Variants in PCSK5 observed in about 807,000 individuals in gnomAD.
PCSK5 encodes prohormone convertase 5.
Under a neutral mutation model 233.2 loss-of-function variants are expected in PCSK5, and 129 were observed. That is an observed-to-expected ratio of 0.55 (90% confidence interval 0.48 to 0.64). The LOEUF (loss-of-function observed/expected upper bound fraction) is 0.64, where lower values mean the gene tolerates loss of function less well. Among genes scored for constraint, PCSK5 ranks in the 30% least tolerant of loss-of-function variants. PCSK5 has a pLI of 0.00. For synonymous variants in PCSK5, 825 were observed against 879.2 expected, an observed-to-expected ratio of 0.94 and a Z score of 1.09; for missense variants, 2,076 against 2,430.1, an observed-to-expected ratio of 0.85 and a Z score of 3.06.
chr9:76,007,631 C>T (rs916827085), intron 3 of PCSK5, among the ~76,000 whole-genome samples: 1 of 151,960 alleles, frequency 6.6e-6, no homozygotes, highest in Non-Finnish European at 1.5e-5. Flanking sequence ...TGCTTTTCAT[C>T]ACTTTCGTTT....
intron 24 of PCSK5, among the ~76,000 whole-genome samples, chr9:76,251,622 C>T (rs886999281): frequency 6.6e-6 from 1 of 151,232 alleles, no homozygotes; most frequent in African/African-American, 2.4e-5. Flanking sequence ...TAGAATGATT[C>T]CATTAATATT....
chr9:76,344,639 GCTTT>G (rs746198493), intron 35 of PCSK5, among the ~76,000 whole-genome samples: 3 of 152,130 alleles, frequency 2.0e-5, no homozygotes, highest in South Asian at 4.1e-4. Flanking sequence ...GTAAATATTG[GCTTT>G]CTATTTGGTT....
chr9:75,954,057 A>T (rs1466018102), intron 2 of PCSK5, among the ~76,000 whole-genome samples: 4 of 152,330 alleles, frequency 2.6e-5, no homozygotes, highest in Admixed American at 2.6e-4. Flanking sequence ...TAAGAATAAA[A>T]GGACACTGTA....
chr9:76,288,240 C>T (rs1828149894), intron 24 of PCSK5, among the ~76,000 whole-genome samples: 1 of 152,166 alleles, frequency 6.6e-6, no homozygotes, highest in African/African-American at 2.4e-5. Context: ...AAACTCACTT[C>T]TCAGGAATCC....
At position 76,321,423 on chromosome 9, in the gene PCSK5, G is replaced by A. The variant is rs1401803780; in HGVS notation, c.3886G>A (p.Gly1296Ser). The change falls in exon 31 of 38, where the codon GGC becomes AGC. Residue 1296 changes from glycine to serine, a missense_variant and splice_region_variant. Gly to Ser is a moderately conservative substitution (Grantham distance 56, BLOSUM62 0). This residue lies in a region of PCSK5 where 1,510 missense variants were observed against 1,538.1 expected (regional missense o/e 0.98). Transcript: ENST00000674117. ...TTGCACTCTGTCTTCCTTCCACAGG[G>A]GCTCTTATGCAGAAGACGGCATATG... ...EGRCYSKCPE[G>S]SYAEDGICER... The A allele has an allele frequency of 1.3e-6, 2 of 1,527,430 alleles. No homozygotes were observed. The highest frequency in any genetic ancestry group is 1.7e-5 in the Admixed American group (1 of 59,900). 94.6% of individuals were successfully genotyped at this position (1,527,430 alleles called of 1,614,324 possible).
At chr9:76,036,744 C>A (rs527367891) in intron 5 of PCSK5, among the ~76,000 whole-genome samples, 3 of 152,196 alleles carry the variant, frequency 2.0e-5, no homozygotes, top group Non-Finnish European at 2.9e-5. Context: ...CACTGAATGG[C>A]GGAATCGGAA....
At chr9:76,162,340 TCTC>T (rs752322452) in intron 12 of PCSK5, among the ~76,000 whole-genome samples, 15 of 152,122 alleles carry the variant, frequency 9.9e-5, no homozygotes, top group African/African-American at 3.6e-4. Context: ...AGAGGAAACT[TCTC>T]CTCAAAACCT....
chr9:76,269,982 A>G (rs1239113124), intron 24 of PCSK5, among the ~76,000 whole-genome samples: 2 of 152,194 alleles, frequency 1.3e-5, no homozygotes, highest in African/African-American at 2.4e-5. Context: ...AATATGCCTG[A>G]TGATGAATAG....
At chr9:76,234,213 T>C (rs549344273) in intron 22 of PCSK5, among the ~76,000 whole-genome samples, 3 of 152,300 alleles carry the variant, frequency 2.0e-5, no homozygotes, top group African/African-American at 4.8e-5. Context: ...TTTTTCTATA[T>C]ACTACTTTTT....
chr9:76,023,767 G>A lies in PCSK5; in HGVS notation c.441G>A (p.Gln147=). The change falls in exon 4 of 38, where the codon CAG becomes CAA. Residue 147 remains glutamine (Q), a synonymous_variant. Transcript: ENST00000674117. The part of the protein sequence containing the change: ...MHCSDNTHPC[Q]SDMNIEGAWK... The stretch of plus-strand genomic sequence containing the variant: ...GCAGTGACAATACACATCCCTGCCA[G>A]TCTGACATGAATATCGAAGGAGCCT... 1 of 1,613,286 alleles carries A rather than the reference G, an allele frequency of 6.2e-7. No homozygotes were observed. Among genetic ancestry groups the A allele is most frequent in the East Asian group, 2.2e-5 (1 of 44,860 alleles).
chr9:75,902,214 T>TTAAAAAAAAAAA (rs1554703242), intron 1 of PCSK5, among the ~76,000 whole-genome samples: 2 of 53,298 alleles, frequency 3.8e-5, no homozygotes, highest in East Asian at 7.5e-4. Context: ...AGACACCATC[T>TTAAAAAAAAAAA]AAAAAAAAAA....
At chr9:76,230,497 C>T (rs780792300) in intron 21 of PCSK5, among the ~76,000 whole-genome samples, 3 of 152,202 alleles carry the variant, frequency 2.0e-5, no homozygotes, top group Non-Finnish European at 1.5e-5. Context: ...GATTTCCCCC[C>T]CAAACCAATC....
intron 2 of PCSK5, 143 bp downstream of exon 2, chr9:75,932,626 T>C (rs1028369459): frequency 5.3e-5 from 33 of 616,972 alleles, no homozygotes; most frequent in Non-Finnish European, 9.0e-5. Flanking sequence ...TGTCTATGCT[T>C]CCTCTTTAGA....
chr9:75,955,588 C>G (rs550543955), intron 2 of PCSK5, among the ~76,000 whole-genome samples: 1 of 151,822 alleles, frequency 6.6e-6, no homozygotes, highest in East Asian at 1.9e-4. Flanking sequence ...TTAGGTGCTT[C>G]TTATATGTCA....
intron 3 of PCSK5, among the ~76,000 whole-genome samples, chr9:76,019,772 A>G (rs1488982224): frequency 6.6e-6 from 1 of 152,212 alleles, no homozygotes; most frequent in African/African-American, 2.4e-5. Flanking sequence ...CCATTTCTTG[A>G]ACTCACAGGA....
At chr9:76,236,472 A>ACTTTCTACCACCTAACAAAACTTT (rs1826255775) in intron 22 of PCSK5, among the ~76,000 whole-genome samples, 1 of 152,216 alleles carries the variant, frequency 6.6e-6, no homozygotes, top group African/African-American at 2.4e-5. Context: ...GCCTAACAAA[A>ACTTTCTACCACCTAACAAAACTTT]GTATCAGCCC....
At chr9:75,896,379 A>G (rs1825805854) in intron 1 of PCSK5, among the ~76,000 whole-genome samples, 1 of 152,214 alleles carries the variant, frequency 6.6e-6, no homozygotes, top group African/African-American at 2.4e-5. Flanking sequence ...ATGGGCTTAC[A>G]TCCAGAGGTC....
At chr9:76,225,991 T>C (rs1218411714) in intron 20 of PCSK5, among the ~76,000 whole-genome samples, 1 of 152,166 alleles carries the variant, frequency 6.6e-6, no homozygotes, top group Non-Finnish European at 1.5e-5. Flanking sequence ...ATGCACTCTT[T>C]TGGGCCTAGG....
intron 12 of PCSK5, among the ~76,000 whole-genome samples, chr9:76,163,885 A>G (rs1822981014): frequency 8.0e-6 from 1 of 124,550 alleles, no homozygotes; most frequent in Non-Finnish European, 1.6e-5. Context: ...TTTTTCCTGA[A>G]TCTCCCTTAT....
Sources: allele counts gnomAD v4.1 joint callset (sites outside exome capture counted in the v4.1 genomes callset), GRCh38; gene constraint gnomAD v4.1.1; regional missense constraint gnomAD v4.1.1; transcripts MANE v1.5; gene names NCBI Gene and HGNC (gene_info 2026-07-23, HGNC 2026-07-21).